Variants in ARAP1 observed in about 807,000 individuals in gnomAD.
ARAP1 encodes ArfGAP with RhoGAP domain, ankyrin repeat and PH domain 1.
A neutral mutation model predicts 172.2 loss-of-function variants in ARAP1; 76 were observed. The ratio of observed to expected loss-of-function variants is 0.44; its 90% CI spans 0.37 to 0.53. The LOEUF is 0.53. Ranked by LOEUF, ARAP1 falls within the 20% of genes least tolerant of loss-of-function variation. The pLI is 0.00. For synonymous variants in ARAP1, 804 were observed against 803.3 expected, an observed-to-expected ratio of 1.00 and a Z score of -0.01; for missense variants, 1,686 against 1,977.5, an observed-to-expected ratio of 0.85 and a Z score of 2.80.
At chr11:72,713,132 CCCA>C in intron 5 of ARAP1, 41 bp downstream of exon 5, 1 of 1,602,522 alleles carries the variant, frequency 6.2e-7, no homozygotes, top group African/African-American at 1.3e-5. Context: ...GCTGGGCACC[CCCA>C]CAACACCCTG....
At chr11:72,697,221 C>T (rs2306614) in intron 21 of ARAP1, 26 bp from the exon 22 acceptor site, 153,726 of 1,446,090 alleles carry the variant, frequency 0.11, 8,111 homozygotes, top group East Asian at 0.19. Flanking sequence ...GCCAAGCGTT[C>T]GGGGCCTGAG....
At chr11:72,707,144 C>A in intron 12 of ARAP1, 31 bp downstream of exon 12, 1 of 1,523,360 alleles carries the variant, frequency 6.6e-7, no homozygotes, top group Non-Finnish European at 8.9e-7. Context: ...CGCCATGCCT[C>A]TGCCTGGTGC....
At chr11:72,713,472 G>C (rs1250887033) in intron 4 of ARAP1, among the ~76,000 whole-genome samples, 1 of 152,196 alleles carries the variant, frequency 6.6e-6, no homozygotes, top group Non-Finnish European at 1.5e-5. Context: ...AAGGAGGTCC[G>C]AGCCAGTGGT....
chr11:72,712,640 C>G, intron 5 of ARAP1, 72 bp from the exon 6 acceptor site: 2 of 1,602,866 alleles, frequency 1.2e-6, no homozygotes, highest in Non-Finnish European at 1.7e-6. Context: ...GGCTGCCACG[C>G]CCCCTCTGTC....
At chr11:72,730,394 CT>C (rs1857828565) in intron 2 of ARAP1, among the ~76,000 whole-genome samples, 1 of 152,148 alleles carries the variant, frequency 6.6e-6, no homozygotes, top group Non-Finnish European at 1.5e-5. Context: ...CCTTCCCTGG[CT>C]GTGGAATGCC....
chr11:72,719,438 G>A (rs1857416283), intron 3 of ARAP1, among the ~76,000 whole-genome samples: 1 of 152,202 alleles, frequency 6.6e-6, no homozygotes, highest in Non-Finnish European at 1.5e-5. Context: ...ACCTGGGCTT[G>A]AACTCAGCTC....
At position 72,699,387 on chromosome 11, in the gene ARAP1, C is replaced by T; in HGVS notation, c.2438+30G>A. The T allele has an allele frequency of 1.2e-6, 2 of 1,613,742 alleles. No homozygotes were observed. Among genetic ancestry groups the T allele is most frequent in the South Asian group, 1.1e-5 (1 of 91,066 alleles). ...AGTGGGGGATTGTACCTTATAGCAACCACAGTCTGATTTGCCCAGGAGTAC... is the reference window on the plus strand; with the variant it reads ...AGTGGGGGATTGTACCTTATAGCAATCACAGTCTGATTTGCCCAGGAGTAC... On this transcript the variant is annotated intron_variant, in intron 17 of 34. Transcript: ENST00000393609. This position sits in a 1 kb window ranked among gnomAD's most constrained non-coding sequence, Gnocchi z 4.2.
chr11:72,716,103 G>A lies in ARAP1; in HGVS notation c.510-1782C>T, dbSNP rs530155540. ...CAGGAGAACAGCATGAACCCGGGAG[G>A]TGGAGCTTGCAGTGAGCCGAGATCG... On this transcript the variant is annotated intron_variant, in intron 3 of 34. Transcript: ENST00000393609. 2.3e-3 allele frequency among the ~76,000 whole-genome samples: 345 copies of A among 150,384 alleles called. 4 individuals carry two copies. The highest frequency in any genetic ancestry group is 8.1e-3 in the African/African-American group (328 of 40,694).
In ARAP1 at chr11:72,710,577, C is replaced by T; in HGVS notation, c.1224G>A (p.Lys408=). Residue 408 remains lysine (K), a synonymous_variant, in exon 10 of 35, where the codon AAG becomes AAA. Coordinates refer to ENST00000393609, the MANE Select transcript of ARAP1 (RefSeq NM_001040118.3). The surrounding 1 kb of genome is among the most constrained non-coding windows in gnomAD (Gnocchi z 4.3). ...AFRAESDVER[K]EWMQALQQAM... is the part of the protein sequence containing the mutation. Reference sequence around the variant, plus strand: ...CCTGCTGCAGGGCCTGCATCCACTCCTTCCGCTCCACTGCAGGAGAAGGGT... The same window carrying T: ...CCTGCTGCAGGGCCTGCATCCACTCTTTCCGCTCCACTGCAGGAGAAGGGT... 6.2e-7 allele frequency: 1 copy of T among 1,607,112 alleles called. No homozygotes were observed.
intron 15 of ARAP1, among the ~76,000 whole-genome samples, chr11:72,702,639 C>A (rs12362059): frequency 4.6e-5 from 7 of 152,090 alleles, no homozygotes; most frequent in African/African-American, 1.4e-4. Flanking sequence ...CAGAGGCGCA[C>A]AAACACCAGC....
Position 72,710,341 on chromosome 11 carries a change from TAGGTGGACATGGGCAGGGG to T in ARAP1, c.1416+25_1416+43del, listed in dbSNP as rs557082692. On this transcript the variant is annotated intron_variant, in intron 10 of 34. Coordinates refer to ENST00000393609, the MANE Select transcript of ARAP1 (RefSeq NM_001040118.3). The surrounding 1 kb of genome is among the most constrained non-coding windows in gnomAD (Gnocchi z 4.3). ...GGCCCTAGGTCAGCCTGGGGCAGGG[TAGGTGGACATGGGCAGGGG>T]AGAGGTTCCATGACCCCTTAGCACC... 8 of 1,607,016 alleles carry T rather than the reference TAGGTGGACATGGGCAGGGG, an allele frequency of 5.0e-6. No individual in the cohort carries two copies. Among genetic ancestry groups the T allele is most frequent in the Non-Finnish European group, 6.8e-6 (8 of 1,174,676 alleles).
intron 1 of ARAP1, among the ~76,000 whole-genome samples, chr11:72,748,357 TA>T (rs1387887838): frequency 6.6e-6 from 1 of 151,958 alleles, no homozygotes; most frequent in African/African-American, 2.4e-5. Flanking sequence ...CCGTCTCTAC[TA>T]AAAATACAAA....
chr11:72,748,854 G>A (rs1030479518), intron 1 of ARAP1, among the ~76,000 whole-genome samples: 8 of 152,200 alleles, frequency 5.3e-5, no homozygotes, highest in African/African-American at 1.4e-4. Flanking sequence ...TCTCTGATCA[G>A]AGCTGGGGAC....
At chr11:72,705,725 T>G in intron 13 of ARAP1, 80 bp downstream of exon 13, 1 of 1,446,422 alleles carries the variant, frequency 6.9e-7, no homozygotes, top group Non-Finnish European at 9.6e-7. Context: ...GTCACTGAGA[T>G]AGGGAGGGGG....
chr11:72,714,308 C>T lies in ARAP1; in HGVS notation c.523G>A (p.Glu175Lys). The T allele has an allele frequency of 1.3e-6, 2 of 1,549,378 alleles. No individual in the cohort carries two copies. Among genetic ancestry groups the T allele is most frequent in the East Asian group, 4.9e-5 (2 of 40,580 alleles). The change falls in exon 4 of 35, where the codon GAG becomes AAG. Residue 175 changes from glutamate to lysine, a missense_variant. By Grantham distance (56) the Glu-to-Lys change is moderately conservative (BLOSUM62 1). Transcript: ENST00000393609. ...AATGATGGCAGCAATGACTCCTCCT[C>T]CTTAGTGGGCAGGCTGGGAACACAA... Reference protein sequence around the residue: ...PRLLVSLPTKEEESLLPSLSS... With the variant: ...PRLLVSLPTKKEESLLPSLSS...
At chr11:72,713,267 C>T (rs1200233075) in intron 4 of ARAP1, 24 bp from the exon 5 acceptor site, 3 of 1,612,340 alleles carry the variant, frequency 1.9e-6, no homozygotes, top group African/African-American at 1.3e-5. Flanking sequence ...GGTTGGGGGG[C>T]CTCAGGGCAA....
At chr11:72,737,207 T>C (rs998248170) in intron 1 of ARAP1, among the ~76,000 whole-genome samples, 4 of 152,090 alleles carry the variant, frequency 2.6e-5, no homozygotes, top group African/African-American at 9.7e-5. Flanking sequence ...CCCCTTCTTA[T>C]CTCCTCTGCT....
rs771051353 is a variant in ARAP1 at position 72,696,614 on chromosome 11, C to T, written c.3207G>A (p.Glu1069=). The T allele has an allele frequency of 2.5e-6, 4 of 1,606,640 alleles. No individual in the cohort carries two copies. The South Asian group carries it at 4.4e-5, about 18-fold the overall frequency. The part of the protein sequence containing the change: ...DEEEKVSRYR[E]LLVRLPPVNR... The stretch of plus-strand genomic sequence containing the variant: ...TGACAGGGGGCAGCCGCACCAGCAG[C>T]TCTCGGTACCTGGAGACCTTCTCCT... Residue 1069 remains glutamate, a synonymous_variant, in exon 23 of 35, where the codon GAG becomes GAA. Transcript: ENST00000393609.
Position 72,695,222 on chromosome 11 carries a change from G to C in ARAP1, c.3577-125C>G. 6.8e-6 allele frequency: 9 copies of C among 1,327,680 alleles called. No individual in the cohort carries two copies. The highest frequency in any genetic ancestry group is 9.6e-6 in the Non-Finnish European group (9 of 942,136). The allele number at this position is 1,327,680 out of a possible 1,614,324, so 82.2% of individuals were successfully genotyped here. A position where few individuals can be genotyped will look rare whatever the true frequency, so the allele number is the denominator to read the frequency against. Reference sequence around the variant, plus strand: ...CCTTCTGGAGTCCTGGGATAGAGAGGGGTATTTCTGAGTGGTCCTTAGGAG... The same window carrying C: ...CCTTCTGGAGTCCTGGGATAGAGAGCGGTATTTCTGAGTGGTCCTTAGGAG... On this transcript the variant is annotated intron_variant, in intron 26 of 34. Transcript: ENST00000393609. The surrounding 1 kb of genome is among the most constrained non-coding windows in gnomAD (Gnocchi z 4.4).
Sources: allele counts gnomAD v4.1 joint callset (sites outside exome capture counted in the v4.1 genomes callset), GRCh38; gene constraint gnomAD v4.1.1; non-coding constraint Gnocchi (gnomAD v3.1); transcripts MANE v1.5; gene names NCBI Gene and HGNC (gene_info 2026-07-23, HGNC 2026-07-21).